The following GAS7 variants were observed in gnomAD, a reference collection of about 807,000 sequenced individuals.
GAS7 encodes growth arrest-specific protein 7.
GAS7 carries 28 observed loss-of-function variants against 71.1 expected under a neutral mutation model. That is an observed-to-expected ratio of 0.39 (90% confidence interval 0.29 to 0.54). GAS7 has a LOEUF of 0.54. Among genes scored for constraint, GAS7 ranks in the 20% least tolerant of loss-of-function variants. GAS7 has a pLI of 0.62. For synonymous variants in GAS7, 258 were observed against 245.8 expected, an observed-to-expected ratio of 1.05 and a Z score of -0.46; for missense variants, 436 against 627.8, an observed-to-expected ratio of 0.69 and a Z score of 3.27.
At chr17:10,193,260 C>A (rs1321955137) in intron 1 of GAS7, among the ~76,000 whole-genome samples, 410 of 113,258 alleles carry the variant, frequency 3.6e-3, no homozygotes, top group South Asian at 5.2e-3. Flanking sequence ...CCTCTAGAGT[C>A]AAAAAAAAAA....
chr17:9,926,568 T>A lies in GAS7; in HGVS notation c.1014+73A>T. On this transcript the variant is annotated intron_variant, in intron 10 of 13. Transcript: ENST00000432992. The surrounding 1 kb of genome is among the most constrained non-coding windows in gnomAD (Gnocchi z 5.0). Reference sequence around the variant, plus strand: ...CAGCCTTGGCGTATGGAGCCACTGCTGGCTTCCCAGTCCCCCTTCTTCCAG... The same window carrying A: ...CAGCCTTGGCGTATGGAGCCACTGCAGGCTTCCCAGTCCCCCTTCTTCCAG... The A allele has an allele frequency of 6.6e-7, 1 of 1,523,656 alleles. No homozygotes were observed. Among genetic ancestry groups the A allele is most frequent in the Non-Finnish European group, 9.0e-7 (1 of 1,107,702 alleles). The allele number at this position is 1,523,656 out of a possible 1,614,324, so 94.4% of individuals were successfully genotyped here. A position where few individuals can be genotyped will look rare whatever the true frequency, so the allele number is the denominator to read the frequency against.
intron 2 of GAS7, among the ~76,000 whole-genome samples, chr17:10,000,677 G>A (rs1380342258): frequency 6.6e-6 from 1 of 152,202 alleles, no homozygotes; most frequent in Non-Finnish European, 1.5e-5. Context: ...TTCTGCGTTT[G>A]CACACCTTGT....
chr17:9,939,917 T>A (rs1340934939), intron 8 of GAS7, among the ~76,000 whole-genome samples: 1 of 152,150 alleles, frequency 6.6e-6, no homozygotes, highest in Non-Finnish European at 1.5e-5. Context: ...GGAAGTGCCC[T>A]TTTGAGTGTG....
chr17:10,095,055 G>T (rs1199423922), intron 1 of GAS7, among the ~76,000 whole-genome samples: 1 of 152,060 alleles, frequency 6.6e-6, no homozygotes, highest in Non-Finnish European at 1.5e-5. Context: ...GAACCAGATG[G>T]CCTAGGTTCA....
chr17:10,120,617 C>T (rs1434408326), intron 1 of GAS7, among the ~76,000 whole-genome samples: 1 of 152,142 alleles, frequency 6.6e-6, no homozygotes, highest in Non-Finnish European at 1.5e-5. Context: ...GGTGCTGAGG[C>T]AGTAGAATCG....
intron 1 of GAS7, among the ~76,000 whole-genome samples, chr17:10,104,751 T>C (rs2073740998): frequency 6.6e-6 from 1 of 152,196 alleles, no homozygotes; most frequent in East Asian, 1.9e-4. Flanking sequence ...TCCTCTCACC[T>C]ATCAGTTCTA....
intron 1 of GAS7, among the ~76,000 whole-genome samples, chr17:10,031,988 G>A (rs368991940): frequency 1.3e-5 from 2 of 152,184 alleles, no homozygotes; most frequent in South Asian, 2.1e-4. Context: ...ACAGGATCTG[G>A]GGTGGAGGAC....
chr17:10,142,783 C>T (rs1419013521), intron 1 of GAS7, among the ~76,000 whole-genome samples: 1 of 152,162 alleles, frequency 6.6e-6, no homozygotes, highest in Non-Finnish European at 1.5e-5. Context: ...TTGGTTGCAA[C>T]CTTGATCCAC....
chr17:10,050,499 A>T (rs756561395), intron 1 of GAS7, among the ~76,000 whole-genome samples: 5 of 151,898 alleles, frequency 3.3e-5, no homozygotes, highest in Non-Finnish European at 7.4e-5. Context: ...GCCCACCCTA[A>T]ACCTGGGTGC....
intron 13 of GAS7, 121 bp from the exon 14 acceptor site, chr17:9,917,462 G>C (rs1055050124): frequency 1.4e-5 from 10 of 695,036 alleles, no homozygotes; most frequent in Admixed American, 2.3e-5. Context: ...GAGGGCTCCG[G>C]GGCCCCAGGG....
chr17:10,142,740 C>A (rs2074092630), intron 1 of GAS7, among the ~76,000 whole-genome samples: 1 of 152,090 alleles, frequency 6.6e-6, no homozygotes, highest in Non-Finnish European at 1.5e-5. Flanking sequence ...CTGAGGTATC[C>A]CCAATATATT....
At chr17:10,027,172 A>G (rs1412126260) in intron 1 of GAS7, 1 of 152,260 alleles carries the variant, frequency 6.6e-6, no homozygotes, top group Admixed American at 6.5e-5. Context: ...AGACAGGGCC[A>G]TGTCCCTATC....
intron 1 of GAS7, among the ~76,000 whole-genome samples, chr17:10,043,472 T>C (rs1197610626): frequency 6.6e-6 from 1 of 152,240 alleles, no homozygotes; most frequent in African/African-American, 2.4e-5. Context: ...TACCTAACTT[T>C]TGACTCCCTC....
intron 2 of GAS7, among the ~76,000 whole-genome samples, chr17:9,992,608 TTTA>T (rs1428049313): frequency 2.0e-5 from 3 of 150,758 alleles, no homozygotes; most frequent in Admixed American, 2.0e-4. Context: ...AATTAATTAA[TTTA>T]TTATTATTAT....
chr17:10,047,505 T>C (rs2072995486), intron 1 of GAS7, among the ~76,000 whole-genome samples: 1 of 152,150 alleles, frequency 6.6e-6, no homozygotes, highest in Non-Finnish European at 1.5e-5. Context: ...TCCTGCCGTG[T>C]CAAGAATGCA....
intron 2 of GAS7, among the ~76,000 whole-genome samples, chr17:9,987,034 C>T (rs1220614247): frequency 6.6e-6 from 1 of 152,222 alleles, no homozygotes; most frequent in Non-Finnish European, 1.5e-5. Context: ...ACAAGATTCC[C>T]TAATCTGCTT....
At chr17:10,172,272 G>A (rs1201139562) in intron 1 of GAS7, among the ~76,000 whole-genome samples, 1 of 152,100 alleles carries the variant, frequency 6.6e-6, no homozygotes, top group African/African-American at 2.4e-5. Context: ...TCCAGTCCTG[G>A]TTGACTTCAC....
chr17:10,035,166 C>T (rs1300114142), intron 1 of GAS7, among the ~76,000 whole-genome samples: 1 of 150,664 alleles, frequency 6.6e-6, no homozygotes, highest in Admixed American at 6.6e-5. Context: ...ACTCCCTCCA[C>T]CCCCATGAAG....
chr17:9,946,282 A>G (rs1008894854), intron 6 of GAS7, among the ~76,000 whole-genome samples: 5 of 152,194 alleles, frequency 3.3e-5, no homozygotes, highest in Admixed American at 6.5e-5. Context: ...CTAGCACACA[A>G]CGGACCATTT....
Sources: gnomAD v4.1 joint callset for allele counts (sites outside exome capture counted in the v4.1 genomes callset) on GRCh38, gnomAD v4.1.1 for gene constraint, Gnocchi (gnomAD v3.1) non-coding constraint, MANE v1.5 for transcripts, NCBI Gene and HGNC (gene_info 2026-07-23, HGNC 2026-07-21) for gene names.